The following GNS variants were observed in gnomAD, a reference collection of about 807,000 sequenced individuals.
GNS encodes glucosamine (N-acetyl)-6-sulfatase, also known as N-acetylglucosamine-6-sulfatase.
In GNS, 40 loss-of-function variants were observed where a neutral mutation model predicts 69.7. That is an observed-to-expected ratio of 0.57 (90% CI 0.45 to 0.75). The LOEUF is 0.75. Among genes scored for constraint, GNS ranks in the 30% least tolerant of loss-of-function variants. GNS has a pLI of 0.00. For synonymous variants in GNS, 243 were observed against 251.6 expected (o/e 0.97, Z 0.32); for missense variants, 565 against 685.5 (o/e 0.82, Z 1.96).
Position 64,744,542 on chromosome 12 carries a change from TC to T in GNS, c.624+266del, listed in dbSNP as rs3830374. ...ACAAAGTAAAACCTCTACAAAGTAA[TC>T]TCTGTAGTCGAAGAGATTAACCTTT... On this transcript the variant is annotated intron_variant, in intron 5 of 13. Transcript: ENST00000258145. 0.54 allele frequency among the ~76,000 whole-genome samples: 81,501 copies of T among 151,892 alleles called. 22,800 individuals are homozygous for T. Among genetic ancestry groups the T allele is most frequent in the East Asian group, 0.88 (4,531 of 5,166 alleles).
intron 10 of GNS, among the ~76,000 whole-genome samples, chr12:64,725,057 A>G (rs1315748775): frequency 6.6e-6 from 1 of 152,196 alleles, no homozygotes; most frequent in Non-Finnish European, 1.5e-5. Context: ...TAAAATCACC[A>G]GGGAAACTTG....
At chr12:64,726,547 T>C (rs1010931377) in intron 10 of GNS, among the ~76,000 whole-genome samples, 1 of 152,160 alleles carries the variant, frequency 6.6e-6, no homozygotes, top group Admixed American at 6.5e-5. Flanking sequence ...ATTCTTGGAG[T>C]GCAGTGGTGT....
At chr12:64,720,269 A>G in intron 12 of GNS, 87 bp from the exon 13 acceptor site, 1 of 903,580 alleles carries the variant, frequency 1.1e-6, no homozygotes, top group East Asian at 2.4e-5. Context: ...TCTAAAGGGG[A>G]AGGGAGGAGG....
intron 1 of GNS, among the ~76,000 whole-genome samples, chr12:64,758,059 G>C (rs1435370723): frequency 6.6e-6 from 1 of 152,186 alleles, no homozygotes; most frequent in African/African-American, 2.4e-5. Flanking sequence ...GGCCTCCATG[G>C]GGAAGGGGTT....
intron 2 of GNS, among the ~76,000 whole-genome samples, chr12:64,752,102 TTAAA>T (rs55724266): frequency 0.54 from 81,203 of 151,348 alleles, 22,663 homozygotes; most frequent in East Asian, 0.88. Context: ...GCCAGAGAGG[TTAAA>T]TAGTTTGTCC....
intron 6 of GNS, among the ~76,000 whole-genome samples, chr12:64,742,145 C>T (rs1186919144): frequency 3.3e-5 from 5 of 152,084 alleles, no homozygotes; most frequent in East Asian, 3.9e-4. Context: ...CTCAGCCTCC[C>T]GAGTAGCTGG....
intron 6 of GNS, among the ~76,000 whole-genome samples, chr12:64,742,238 T>C (rs530739780): frequency 5.3e-5 from 8 of 152,304 alleles, no homozygotes; most frequent in South Asian, 4.1e-4. Context: ...GCCAGGATGG[T>C]CTCAATCTCC....
At position 64,752,689 on chromosome 12, in the gene GNS, CA is replaced by C; in HGVS notation, c.252+8del. 1 of 1,402,708 alleles carries C rather than the reference CA, an allele frequency of 7.1e-7. No homozygotes were observed. Among genetic ancestry groups the C allele is most frequent in the Non-Finnish European group, 1.0e-6 (1 of 989,626 alleles). The allele number at this position is 1,402,708 out of a possible 1,614,324, so 86.9% of individuals were successfully genotyped here. ...AAATTAACAAAATTGAATTAACTTTCAAACTTACAGCACTGGAAAAAGTCAT... is the reference window on the plus strand; with the variant it reads ...AAATTAACAAAATTGAATTAACTTTCAACTTACAGCACTGGAAAAAGTCAT... On this transcript the variant is annotated splice_region_variant and intron_variant, in intron 2 of 13. Coordinates refer to ENST00000258145, the MANE Select transcript of GNS (RefSeq NM_002076.4).
chr12:64,754,072 T>C (rs1023642135), intron 1 of GNS, among the ~76,000 whole-genome samples: 2 of 152,208 alleles, frequency 1.3e-5, no homozygotes, highest in Admixed American at 1.3e-4. Flanking sequence ...CTGATAAATA[T>C]GTAAAATTAT....
intron 5 of GNS, among the ~76,000 whole-genome samples, chr12:64,743,827 A>C (rs1420123998): frequency 6.6e-6 from 1 of 152,242 alleles, no homozygotes; most frequent in Admixed American, 6.5e-5. Flanking sequence ...CATGGACTTA[A>C]GTTTTGCCTT....
At chr12:64,736,559 G>C (rs1255823022) in intron 9 of GNS, among the ~76,000 whole-genome samples, 2 of 152,212 alleles carry the variant, frequency 1.3e-5, no homozygotes, top group African/African-American at 4.8e-5. Context: ...CCCCAAACCA[G>C]GCTGCCTCTC....
intron 10 of GNS, among the ~76,000 whole-genome samples, chr12:64,725,687 T>G (rs1869172210): frequency 6.6e-6 from 1 of 151,764 alleles, no homozygotes; most frequent in South Asian, 2.1e-4. Flanking sequence ...AGTGAATCAG[T>G]TTTTTTTCTA....
intron 1 of GNS, among the ~76,000 whole-genome samples, chr12:64,757,260 G>A (rs934895291): frequency 6.6e-6 from 1 of 151,906 alleles, no homozygotes; most frequent in African/African-American, 2.4e-5. Context: ...TACAGCTGTG[G>A]TTTATAAGAA....
chr12:64,737,982 C>G (rs984330862), intron 8 of GNS, among the ~76,000 whole-genome samples: 3 of 151,726 alleles, frequency 2.0e-5, no homozygotes, highest in African/African-American at 7.3e-5. Context: ...GATACAAGAA[C>G]TAAAGGTAGT....
chr12:64,716,924 C>G, intron 13 of GNS, 105 bp from the exon 14 acceptor site: 1 of 760,170 alleles, frequency 1.3e-6, no homozygotes, highest in Non-Finnish European at 2.4e-6. Context: ...AAACAAATCA[C>G]CAGAAGGGAC....
chr12:64,745,197 CAAT>C lies in GNS; in HGVS notation c.526-293_526-291del, dbSNP rs1199317899. On this transcript the variant is annotated intron_variant, in intron 4 of 13. Coordinates refer to ENST00000258145, the MANE Select transcript of GNS (RefSeq NM_002076.4). The stretch of plus-strand genomic sequence containing the variant: ...TCCCAGAAAGGAGTGACTCACAAGT[CAAT>C]AGACTTTTTTTTTTTTTTTTTTTTT... 1.7e-3 allele frequency among the ~76,000 whole-genome samples: 218 copies of C among 127,472 alleles called. 2 individuals carry two copies. The highest frequency in any genetic ancestry group is 3.2e-3 in the Non-Finnish European group (201 of 62,666). 83.6% of individuals were successfully genotyped at this position (127,472 alleles called of 152,430 possible). A position where few individuals can be genotyped will look rare whatever the true frequency, so the allele number is the denominator to read the frequency against.
Position 64,729,070 on chromosome 12 carries a change from G to A in GNS, c.1099-13C>T. 5 of 1,361,982 alleles carry A rather than the reference G, an allele frequency of 3.7e-6. No homozygotes were observed. Among genetic ancestry groups the A allele is most frequent in the Non-Finnish European group, 5.3e-6 (5 of 949,894 alleles). 84.4% of individuals were successfully genotyped at this position (1,361,982 alleles called of 1,614,324 possible). On this transcript the variant is annotated splice_polypyrimidine_tract_variant and intron_variant, in intron 9 of 13. Transcript: ENST00000258145. ...TGGCAACCAGCATCTATGAGAATGA[G>A]GGAAAAACAATCTAGAACACAGCTG...
intron 2 of GNS, among the ~76,000 whole-genome samples, chr12:64,750,954 A>T (rs1034320199): frequency 6.6e-6 from 1 of 152,266 alleles, no homozygotes; most frequent in African/African-American, 2.4e-5. Flanking sequence ...GTGCATATCT[A>T]CGTATCAAAT....
intron 9 of GNS, among the ~76,000 whole-genome samples, chr12:64,734,023 C>T (rs1369263299): frequency 6.6e-6 from 1 of 152,242 alleles, no homozygotes; most frequent in Non-Finnish European, 1.5e-5. Flanking sequence ...TTATGCCCAA[C>T]TCACAAGCCT....
Sources: gnomAD v4.1 joint callset for allele counts (sites outside exome capture counted in the v4.1 genomes callset) on GRCh38, gnomAD v4.1.1 for gene constraint, MANE v1.5 for transcripts, NCBI Gene and HGNC (gene_info 2026-07-23, HGNC 2026-07-21) for gene names.